Variants in BRINP3 observed in about 807,000 individuals in gnomAD.
BRINP3 encodes the protein BMP/retinoic acid-inducible neural-specific protein 3.
Under a neutral mutation model 71.0 loss-of-function variants are expected in BRINP3, and 19 were observed. The ratio of observed to expected loss-of-function variants is 0.27; its 90% CI spans 0.19 to 0.39. The LOEUF (loss-of-function observed/expected upper bound fraction) is 0.39, where lower values mean the gene tolerates loss of function less well. Ranked by LOEUF, BRINP3 falls within the 10% of genes least tolerant of loss-of-function variation. The probability of loss-of-function intolerance (pLI) is 1.00; values close to 1 mark genes in which losing one functional copy is unlikely to be tolerated. For missense variants in BRINP3, 959 were observed against 940.8 expected (o/e 1.02, Z -0.25); for synonymous variants, 380 against 337.7 (o/e 1.13, Z -1.37).
chr1:190,421,587 T>C (rs1673389564), intron 2 of BRINP3, among the ~76,000 whole-genome samples: 1 of 151,696 alleles, frequency 6.6e-6, no homozygotes, highest in Non-Finnish European at 1.5e-5. Context: ...TTTCTTGGAA[T>C]GAGTCATTAA....
chr1:190,385,067 T>C (rs1329464124), intron 2 of BRINP3, among the ~76,000 whole-genome samples: 1 of 151,968 alleles, frequency 6.6e-6, no homozygotes, highest in Non-Finnish European at 1.5e-5. Flanking sequence ...CAAAAATCAA[T>C]TCAAGATGGA....
chr1:190,365,827 T>C lies in BRINP3; in HGVS notation c.237-84077A>G, dbSNP rs1669461686. The stretch of plus-strand genomic sequence containing the variant: ...AAGTGTATATATATATATATATATA[T>C]ATATATATACACACACACATATATA... On this transcript the variant is annotated intron_variant, in intron 2 of 7. Transcript: ENST00000367462. 1.4e-5 allele frequency among the ~76,000 whole-genome samples: 2 copies of C among 145,840 alleles called. 1 individual carries two copies. The highest frequency in any genetic ancestry group is 4.2e-4 in the South Asian group (2 of 4,746).
At chr1:190,446,073 C>G (rs1675202218) in intron 2 of BRINP3, among the ~76,000 whole-genome samples, 1 of 152,006 alleles carries the variant, frequency 6.6e-6, no homozygotes, top group Admixed American at 6.6e-5. Flanking sequence ...TAAGAACTGG[C>G]TCTTCTGACA....
chr1:190,326,081 TA>T (rs1168209884), intron 2 of BRINP3, among the ~76,000 whole-genome samples: 5 of 151,848 alleles, frequency 3.3e-5, no homozygotes, highest in African/African-American at 4.8e-5. Context: ...TAAACATCTT[TA>T]AAAAAAATCA....
chr1:190,403,131 A>T lies in BRINP3; in HGVS notation c.236+51524T>A, dbSNP rs112413247. On this transcript the variant is annotated intron_variant, in intron 2 of 7. Coordinates refer to ENST00000367462, the MANE Select transcript of BRINP3 (RefSeq NM_199051.3). ...ATTGGATACTTTTCTCTATTATCAA[A>T]ACATTCTTTTGTCCTGAAAACATAA... Among the ~76,000 whole-genome samples the T allele has an allele frequency of 5.2e-3, 788 of 152,282 alleles. 7 individuals carry two copies. Among genetic ancestry groups the T allele is most frequent in the African/African-American group, 0.018 (737 of 41,560 alleles).
intron 6 of BRINP3, among the ~76,000 whole-genome samples, chr1:190,192,001 T>A (rs1026702850): frequency 6.6e-6 from 1 of 151,700 alleles, no homozygotes; most frequent in Admixed American, 6.6e-5. Context: ...TTTCAAGATT[T>A]AAAAAAAAAT....
At chr1:190,150,598 A>C (rs183630185) in intron 7 of BRINP3, among the ~76,000 whole-genome samples, 1 of 152,320 alleles carries the variant, frequency 6.6e-6, no homozygotes, top group Admixed American at 6.5e-5. Context: ...ACTATCATTC[A>C]GAATGAGAAG....
At chr1:190,220,957 A>C (rs937626651) in intron 6 of BRINP3, among the ~76,000 whole-genome samples, 1 of 152,182 alleles carries the variant, frequency 6.6e-6, no homozygotes, top group African/African-American at 2.4e-5. Context: ...TGTCAAAAAC[A>C]GTAATAGCTA....
intron 7 of BRINP3, among the ~76,000 whole-genome samples, chr1:190,155,273 C>A (rs1229086442): frequency 6.6e-6 from 1 of 151,806 alleles, no homozygotes; most frequent in Non-Finnish European, 1.5e-5. Flanking sequence ...ATATGAATAA[C>A]TTCATAATAA....
chr1:190,289,047 G>A (rs928721041), intron 2 of BRINP3, among the ~76,000 whole-genome samples: 1 of 151,604 alleles, frequency 6.6e-6, no homozygotes, highest in African/African-American at 2.4e-5. Context: ...TGGATTATGT[G>A]AAGGTAACTA....
chr1:190,373,969 C>T lies in BRINP3; in HGVS notation c.236+80686G>A, dbSNP rs992828438. Among the ~76,000 whole-genome samples, 11 of 151,210 alleles carry T rather than the reference C, an allele frequency of 7.3e-5. No individual in the cohort carries two copies. The East Asian group carries it at 1.0e-3, about 14-fold the overall frequency. On this transcript the variant is annotated intron_variant, in intron 2 of 7. Coordinates refer to ENST00000367462, the MANE Select transcript of BRINP3 (RefSeq NM_199051.3). ...AGCGTAGCCCAAGAAGCTATTACTG[C>T]TCTGGAGCCAATTGCACAGGGTTTG...
At chr1:190,298,106 A>T (rs1048534728) in intron 2 of BRINP3, among the ~76,000 whole-genome samples, 1 of 152,138 alleles carries the variant, frequency 6.6e-6, no homozygotes, top group African/African-American at 2.4e-5. Context: ...TGAGTTGTCA[A>T]ATATAAGTGT....
At chr1:190,231,196 G>T (rs1026115426) in intron 5 of BRINP3, among the ~76,000 whole-genome samples, 5 of 151,612 alleles carry the variant, frequency 3.3e-5, no homozygotes, top group Non-Finnish European at 7.4e-5. Context: ...TGTCTAGAGT[G>T]ACCCTTCCTT....
chr1:190,121,315 TAAAAC>T (rs1280240306), intron 7 of BRINP3, among the ~76,000 whole-genome samples: 1 of 151,986 alleles, frequency 6.6e-6, no homozygotes, highest in Non-Finnish European at 1.5e-5. Flanking sequence ...TATTAGATAT[TAAAAC>T]AAAACTGATT....
intron 7 of BRINP3, among the ~76,000 whole-genome samples, chr1:190,155,772 C>T (rs1656809237): frequency 6.6e-6 from 1 of 151,948 alleles, no homozygotes; most frequent in African/African-American, 2.4e-5. Flanking sequence ...TAGCACTTCC[C>T]CCCTAGCTTC....
intron 2 of BRINP3, among the ~76,000 whole-genome samples, chr1:190,332,249 T>G (rs1358708676): frequency 3.3e-5 from 5 of 152,040 alleles, no homozygotes; most frequent in African/African-American, 9.7e-5. Flanking sequence ...TTTCTTTGAC[T>G]GATAGAAAGT....
chr1:190,131,180 C>CG (rs1263530895), intron 7 of BRINP3, among the ~76,000 whole-genome samples: 2 of 77,744 alleles, frequency 2.6e-5, no homozygotes, highest in Non-Finnish European at 4.8e-5. Context: ...GTGTGTGTGG[C>CG]GGGGGGTGGG....
chr1:190,204,522 A>G (rs1378057974), intron 6 of BRINP3, among the ~76,000 whole-genome samples: 2 of 151,976 alleles, frequency 1.3e-5, no homozygotes, highest in Non-Finnish European at 2.9e-5. Flanking sequence ...CCTAGGAGAT[A>G]TATATTGGTA....
At chr1:190,162,937 G>A (rs904881734) in intron 6 of BRINP3, among the ~76,000 whole-genome samples, 2 of 152,008 alleles carry the variant, frequency 1.3e-5, no homozygotes, top group Admixed American at 6.6e-5. Flanking sequence ...ACATACAGAT[G>A]TTTCAATCTA....
Sources: allele counts gnomAD v4.1 joint callset (sites outside exome capture counted in the v4.1 genomes callset), GRCh38; gene constraint gnomAD v4.1.1; transcripts MANE v1.5; gene names NCBI Gene and HGNC (gene_info 2026-07-23, HGNC 2026-07-21).